PDE4D: variants seen among roughly 807,000 people sequenced by gnomAD.
The protein encoded by PDE4D is 3',5'-cyclic-AMP phosphodiesterase 4D.
PDE4D carries 24 observed loss-of-function variants against 87.4 expected under a neutral mutation model. That is an observed-to-expected ratio of 0.27 (90% confidence interval 0.20 to 0.39). The LOEUF is 0.39. PDE4D is among the 10% of genes least tolerant of loss of function. The probability of loss-of-function intolerance (pLI) is 1.00; values close to 1 mark genes in which losing one functional copy is unlikely to be tolerated. For synonymous variants in PDE4D, 384 were observed against 383.2 expected (o/e 1.00, Z -0.02); for missense variants, 714 against 1,041.0 (o/e 0.69, Z 4.32).
At chr5:60,439,940 A>C (rs887163275) in intron 1 of PDE4D, among the ~76,000 whole-genome samples, 2 of 151,372 alleles carry the variant, frequency 1.3e-5, no homozygotes, top group Non-Finnish European at 2.9e-5. Flanking sequence ...AAAAAAAAAA[A>C]CCCTAAACTG....
chr5:60,407,715 A>G (rs188860451), intron 1 of PDE4D, among the ~76,000 whole-genome samples: 1 of 151,988 alleles, frequency 6.6e-6, no homozygotes, highest in Non-Finnish European at 1.5e-5. Flanking sequence ...AGCCTCCCAA[A>G]GTGCTGAGAT....
At chr5:59,031,001 C>T (rs1757288400) in intron 6 of PDE4D, among the ~76,000 whole-genome samples, 1 of 152,100 alleles carries the variant, frequency 6.6e-6, no homozygotes, top group African/African-American at 2.4e-5. Flanking sequence ...TCCCTGCACC[C>T]ATCCCACCCG....
intron 1 of PDE4D, among the ~76,000 whole-genome samples, chr5:59,819,554 G>C (rs772865973): frequency 6.6e-6 from 1 of 151,972 alleles, no homozygotes. Flanking sequence ...CCTTGATTTT[G>C]GTACAATTTT....
intron 1 of PDE4D, among the ~76,000 whole-genome samples, chr5:60,464,209 A>G (rs1747174881): frequency 6.6e-6 from 1 of 152,212 alleles, no homozygotes; most frequent in South Asian, 2.1e-4. Flanking sequence ...AAACACTGCC[A>G]GCCTCATCTT....
chr5:59,792,215 G>T (rs1198417773), intron 1 of PDE4D, among the ~76,000 whole-genome samples: 1 of 152,062 alleles, frequency 6.6e-6, no homozygotes, highest in Non-Finnish European at 1.5e-5. Flanking sequence ...GCAATAGGAT[G>T]GTAGGCATTA....
intron 1 of PDE4D, among the ~76,000 whole-genome samples, chr5:59,380,955 C>T (rs956921739): frequency 6.6e-6 from 1 of 152,152 alleles, no homozygotes; most frequent in Non-Finnish European, 1.5e-5. Flanking sequence ...TGCATTTGCT[C>T]TGCAACAGCA....
intron 1 of PDE4D, among the ~76,000 whole-genome samples, chr5:60,314,191 G>C (rs1316772409): frequency 1.3e-5 from 2 of 150,486 alleles, no homozygotes; most frequent in Admixed American, 1.3e-4. Flanking sequence ...TTTTGAGATG[G>C]AGTCTTGCTC....
At chr5:59,990,824 T>C (rs1412840627) in intron 2 of PDE4D, among the ~76,000 whole-genome samples, 1 of 152,164 alleles carries the variant, frequency 6.6e-6, no homozygotes, top group Non-Finnish European at 1.5e-5. Flanking sequence ...TGATTAATCA[T>C]CTTACTTCGC....
chr5:60,188,582 G>A (rs940719418), intron 1 of PDE4D, among the ~76,000 whole-genome samples: 1 of 152,142 alleles, frequency 6.6e-6, no homozygotes, highest in Non-Finnish European at 1.5e-5. Context: ...CCCCAAGGTA[G>A]GGCAGGGAGG....
chr5:59,000,020 C>T (rs888370593), intron 6 of PDE4D: 21 of 624,216 alleles, frequency 3.4e-5, no homozygotes, highest in Non-Finnish European at 4.0e-5. Context: ...GCCTATAAGG[C>T]GAGGGGGTGT....
chr5:59,840,368 A>G (rs1232234470), intron 1 of PDE4D, among the ~76,000 whole-genome samples: 1 of 151,284 alleles, frequency 6.6e-6, no homozygotes, highest in Non-Finnish European at 1.5e-5. Flanking sequence ...CGCTTATCTT[A>G]TCATCTGATT....
chr5:59,036,160 T>C (rs559844549), intron 6 of PDE4D, among the ~76,000 whole-genome samples: 1 of 152,338 alleles, frequency 6.6e-6, no homozygotes, highest in South Asian at 2.1e-4. Flanking sequence ...GTTTGAGGAA[T>C]CAGTTTCCTC....
intron 1 of PDE4D, among the ~76,000 whole-genome samples, chr5:59,485,701 C>T (rs1479867587): frequency 6.6e-6 from 1 of 152,072 alleles, no homozygotes; most frequent in African/African-American, 2.4e-5. Context: ...AAGGTAAAAT[C>T]TCTAAATGCT....
chr5:59,768,608 T>C, intron 1 of PDE4D: 6 of 1,544,264 alleles, frequency 3.9e-6, no homozygotes, highest in Non-Finnish European at 5.2e-6. Context: ...CTGAGCCTGC[T>C]GCTGTTAGTG....
chr5:60,143,728 A>G (rs1780758618), intron 2 of PDE4D, among the ~76,000 whole-genome samples: 1 of 151,894 alleles, frequency 6.6e-6, no homozygotes, highest in African/African-American at 2.4e-5. Flanking sequence ...AGAAACACCC[A>G]GCAATAAGAA....
chr5:59,451,575 G>C (rs1402793533), intron 1 of PDE4D, among the ~76,000 whole-genome samples: 2 of 152,134 alleles, frequency 1.3e-5, no homozygotes, highest in Non-Finnish European at 2.9e-5. Context: ...CAGTTGCTCT[G>C]TTTTGAATCC....
chr5:59,228,692 T>A (rs1754423157), intron 1 of PDE4D, among the ~76,000 whole-genome samples: 1 of 152,150 alleles, frequency 6.6e-6, no homozygotes, highest in Non-Finnish European at 1.5e-5. Flanking sequence ...CATTATCCCA[T>A]AATGGTGTCC....
chr5:59,465,402 AC>A (rs1205520760), intron 1 of PDE4D, among the ~76,000 whole-genome samples: 3 of 152,124 alleles, frequency 2.0e-5, no homozygotes, highest in Admixed American at 2.0e-4. Flanking sequence ...ACACATGCAT[AC>A]TCTGAAACTC....
At chr5:59,039,560 C>T (rs1181126308) in intron 5 of PDE4D, 2 of 974,204 alleles carry the variant, frequency 2.1e-6, no homozygotes, top group African/African-American at 3.5e-5. Context: ...CGCAGCGCGG[C>T]TCCAACGCCG....
Sources: allele counts gnomAD v4.1 joint callset (sites outside exome capture counted in the v4.1 genomes callset), GRCh38; gene constraint gnomAD v4.1.1; transcripts MANE v1.5; gene names NCBI Gene and HGNC (gene_info 2026-07-23, HGNC 2026-07-21).